The following LDLRAD3 variants were observed in gnomAD, a reference collection of about 807,000 sequenced individuals.
LDLRAD3 encodes the protein low-density lipoprotein receptor class A domain-containing protein 3.
LDLRAD3 carries 20 observed loss-of-function variants against 29.4 expected under a neutral mutation model. The ratio of observed to expected loss-of-function variants is 0.68; its 90% CI spans 0.48 to 0.99. The LOEUF is 0.99. Among genes scored for constraint, LDLRAD3 ranks in the 50% least tolerant of loss-of-function variants. LDLRAD3 has a pLI of 0.00. For missense variants in LDLRAD3, 420 were observed against 454.3 expected (o/e 0.92, Z 0.69); for synonymous variants, 157 against 192.7 (o/e 0.81, Z 1.53).
At chr11:36,093,712 C>G (rs1853317515) in intron 3 of LDLRAD3, among the ~76,000 whole-genome samples, 1 of 152,126 alleles carries the variant, frequency 6.6e-6, no homozygotes, top group African/African-American at 2.4e-5. Flanking sequence ...GAGCTCTTGT[C>G]CCATGTCCAA....
At chr11:36,119,330 A>G (rs1565236099) in intron 4 of LDLRAD3, among the ~76,000 whole-genome samples, 1 of 152,152 alleles carries the variant, frequency 6.6e-6, no homozygotes, top group Non-Finnish European at 1.5e-5. Flanking sequence ...GTTTATACCT[A>G]GAAGTGGAAT....
intron 1 of LDLRAD3, among the ~76,000 whole-genome samples, chr11:36,019,736 C>G (rs1428570122): frequency 6.6e-6 from 1 of 152,202 alleles, no homozygotes; most frequent in Non-Finnish European, 1.5e-5. Flanking sequence ...TCACTATTCC[C>G]TGGATACAGA....
At chr11:36,222,203 G>A (rs190659082) in intron 4 of LDLRAD3, among the ~76,000 whole-genome samples, 2 of 152,104 alleles carry the variant, frequency 1.3e-5, no homozygotes, top group Non-Finnish European at 2.9e-5. Context: ...TGAGTAGCTG[G>A]GACTACAGGC....
At chr11:36,021,735 G>A (rs1852098539) in intron 1 of LDLRAD3, among the ~76,000 whole-genome samples, 1 of 152,124 alleles carries the variant, frequency 6.6e-6, no homozygotes, top group Non-Finnish European at 1.5e-5. Flanking sequence ...TCTGCCTGCC[G>A]GGCTCAAGTG....
rs536318637 is a variant in LDLRAD3, at chr11:36,065,801, GT to G, written c.194-15848del. ...GCCTTTATATCTGCCCTTTGCAGGT[GT>G]TTTGAGACAAAACCTGAGTTTTAGG... On this transcript the variant is annotated intron_variant, in intron 2 of 5. Transcript: ENST00000315571. Among the ~76,000 whole-genome samples, 20 of 152,282 alleles carry G rather than the reference GT, an allele frequency of 1.3e-4. No individual in the cohort carries two copies. In the East Asian group the frequency reaches 3.5e-3, roughly 26 times the overall value.
intron 1 of LDLRAD3, among the ~76,000 whole-genome samples, chr11:36,004,028 T>A (rs545556407): frequency 1.6e-4 from 25 of 152,304 alleles, no homozygotes; most frequent in Admixed American, 8.5e-4. Context: ...TCTCCTCCAA[T>A]ATGACATGAG....
intron 2 of LDLRAD3, among the ~76,000 whole-genome samples, chr11:36,072,783 C>T (rs1424946530): frequency 6.6e-6 from 1 of 152,160 alleles, no homozygotes; most frequent in African/African-American, 2.4e-5. Context: ...GCCTGTGTGC[C>T]CCAGCTGTTA....
chr11:36,105,158 C>A (rs1184466082), intron 4 of LDLRAD3, among the ~76,000 whole-genome samples: 4 of 151,712 alleles, frequency 2.6e-5, no homozygotes, highest in Non-Finnish European at 5.9e-5. Context: ...TTTGGCACCT[C>A]ACTGGAAGCT....
At chr11:36,030,917 A>T (rs187447079) in intron 1 of LDLRAD3, among the ~76,000 whole-genome samples, 2 of 152,162 alleles carry the variant, frequency 1.3e-5, no homozygotes, top group African/African-American at 4.8e-5. Flanking sequence ...CACTAACTGC[A>T]TGTTCTGGAG....
chr11:36,229,560 A>G lies in LDLRAD3; in HGVS notation c.*163A>G, dbSNP rs745887198. ...ATTCCCCTCCTCCCCCAGACTTCAG[A>G]GATGTTTTTCTGGCGTCTCAGTTGA... On this transcript the variant is annotated 3_prime_UTR_variant, in exon 6 of 6. Transcript: ENST00000315571. 1 of 593,650 alleles carries G rather than the reference A, an allele frequency of 1.7e-6. No homozygotes were observed. The highest frequency in any genetic ancestry group is 3.0e-6 in the Non-Finnish European group (1 of 334,510). The allele number at this position is 593,650 out of a possible 1,614,324, so 36.8% of individuals were successfully genotyped here.
At chr11:36,179,100 C>T (rs965064608) in intron 4 of LDLRAD3, among the ~76,000 whole-genome samples, 4 of 152,232 alleles carry the variant, frequency 2.6e-5, no homozygotes, top group Admixed American at 2.0e-4. Flanking sequence ...ACAGAATGCT[C>T]TGGCTGACAT....
intron 2 of LDLRAD3, among the ~76,000 whole-genome samples, chr11:36,060,353 C>CAAAA (rs60557347): frequency 1.4e-5 from 1 of 73,534 alleles, no homozygotes; most frequent in Admixed American, 1.4e-4. Flanking sequence ...GACTCTGTCT[C>CAAAA]AAAAAAAAAA....
chr11:35,945,036 T>G (rs1851039202), intron 1 of LDLRAD3, among the ~76,000 whole-genome samples: 1 of 152,182 alleles, frequency 6.6e-6, no homozygotes, highest in Admixed American at 6.5e-5. Flanking sequence ...CTGTCAGCTG[T>G]CCCTCCTGGA....
chr11:36,106,240 G>C (rs1464335182), intron 4 of LDLRAD3, among the ~76,000 whole-genome samples: 1 of 152,194 alleles, frequency 6.6e-6, no homozygotes, highest in Non-Finnish European at 1.5e-5. Context: ...TTCTGTACTT[G>C]GTGCACAGAC....
At chr11:36,062,201 A>G (rs1565194516) in intron 2 of LDLRAD3, among the ~76,000 whole-genome samples, 1 of 152,198 alleles carries the variant, frequency 6.6e-6, no homozygotes, top group Non-Finnish European at 1.5e-5. Flanking sequence ...TATGATAAAA[A>G]TAACTTTATA....
At chr11:36,064,557 T>C (rs1216978167) in intron 2 of LDLRAD3, among the ~76,000 whole-genome samples, 1 of 149,030 alleles carries the variant, frequency 6.7e-6, no homozygotes, top group Non-Finnish European at 1.5e-5. Context: ...TGGGCTCAAG[T>C]GATCTGCCCT....
chr11:36,107,023 A>T (rs1212579201), intron 4 of LDLRAD3, among the ~76,000 whole-genome samples: 1 of 152,158 alleles, frequency 6.6e-6, no homozygotes, highest in African/African-American at 2.4e-5. Context: ...CCCACCCTGC[A>T]GCTCAGGATC....
Position 36,229,286 on chromosome 11 carries a change from C to G in LDLRAD3, c.927C>G (p.Ser309Arg). ...ACAGTGCCAGCTCCCAGGCAGCCAG[C>G]AGCCTCCTGAGCGTGGAAGACACCA... ...SANSASSQAA[S>R]SLLSVEDTSH... The change falls in exon 6 of 6, where the codon AGC becomes AGG. Residue 309 changes from serine to arginine, a missense_variant. Ser to Arg is a moderately radical substitution (Grantham distance 110). This residue lies in a region of LDLRAD3 where 140 missense variants were observed against 139.9 expected (regional missense o/e 1.00). Transcript: ENST00000315571. 6.2e-7 allele frequency: 1 copy of G among 1,614,140 alleles called. No individual in the cohort carries two copies. Among genetic ancestry groups the G allele is most frequent in the Non-Finnish European group, 8.5e-7 (1 of 1,180,032 alleles).
Position 36,218,784 on chromosome 11 carries a change from G to A in LDLRAD3, c.455-8301G>A, listed in dbSNP as rs76832628. On this transcript the variant is annotated intron_variant, in intron 4 of 5. Transcript: ENST00000315571. ...CATGACCCTCACTGTCTGCCTGAAT[G>A]GTATTGTAGCATTGTTTGTAATAGC... Among the ~76,000 whole-genome samples, 1,391 of 152,296 alleles carry A rather than the reference G, an allele frequency of 9.1e-3. 22 individuals are homozygous for A. The highest frequency in any genetic ancestry group is 0.032 in the African/African-American group (1,331 of 41,554).
Sources: gnomAD v4.1 joint callset for allele counts (sites outside exome capture counted in the v4.1 genomes callset) on GRCh38, gnomAD v4.1.1 for gene constraint, gnomAD v4.1.1 regional missense constraint, MANE v1.5 for transcripts, NCBI Gene and HGNC (gene_info 2026-07-23, HGNC 2026-07-21) for gene names.